Variants in EIF3M observed in about 807,000 individuals in gnomAD.
The protein encoded by EIF3M is B5 receptor.
EIF3M carries 25 observed loss-of-function variants against 49.7 expected under a neutral mutation model. The observed-to-expected ratio is 0.50, with a 90% CI of 0.37 to 0.70. The LOEUF (loss-of-function observed/expected upper bound fraction) is 0.70, where lower values mean the gene tolerates loss of function less well. EIF3M is among the 30% of genes least tolerant of loss of function. The probability of loss-of-function intolerance (pLI) is 0.00; values close to 1 mark genes in which losing one functional copy is unlikely to be tolerated. For missense variants in EIF3M, 350 were observed against 440.0 expected, an observed-to-expected ratio of 0.80 and a Z score of 1.83; for synonymous variants, 156 against 149.8, an observed-to-expected ratio of 1.04 and a Z score of -0.30.
chr11:32,592,703 T>A lies in EIF3M; in HGVS notation c.534-1163T>A, dbSNP rs12288162. 1,937 of 509,714 alleles carry A rather than the reference T, an allele frequency of 3.8e-3. 33 individuals are homozygous for A. The highest frequency in any genetic ancestry group is 0.035 in the African/African-American group (1,768 of 51,240). 31.6% of individuals were successfully genotyped at this position (509,714 alleles called of 1,614,324 possible). ...GTTCTCTAAAACTACCATCTCTAGT[T>A]TCAAAGCTCAGACCACCAATAAACA... On this transcript the variant is annotated intron_variant, in intron 5 of 10. Coordinates refer to ENST00000531120, the MANE Select transcript of EIF3M (RefSeq NM_006360.6).
At position 32,602,765 on chromosome 11, in the gene EIF3M, C is replaced by T; in HGVS notation, c.*366C>T. 7.7e-7 allele frequency: 1 copy of T among 1,302,016 alleles called. No homozygotes were observed. The highest frequency in any genetic ancestry group is 1.1e-6 in the Non-Finnish European group (1 of 949,204). The allele number at this position is 1,302,016 out of a possible 1,614,324, so 80.7% of individuals were successfully genotyped here. A position where few individuals can be genotyped will look rare whatever the true frequency, so the allele number is the denominator to read the frequency against. ...CATTTTATTCTAGTAAAAACTATAC[C>T]AGAATTTCAGTTACATAATTTCACT... is the stretch of plus-strand genomic sequence containing the variant. On this transcript the variant is annotated 3_prime_UTR_variant, in exon 11 of 11. Transcript: ENST00000531120.
chr11:32,603,034 A>T lies in EIF3M; in HGVS notation c.*635A>T. The T allele has an allele frequency of 6.4e-7, 1 of 1,569,972 alleles. No individual in the cohort carries two copies. The highest frequency in any genetic ancestry group is 8.6e-7 in the Non-Finnish European group (1 of 1,159,542). ...CTTTGTTTTCACCTGGGAAAGATAA[A>T]CTAATTTTACCTTCGAAATTATTAT... On this transcript the variant is annotated 3_prime_UTR_variant, in exon 11 of 11. Coordinates refer to ENST00000531120, the MANE Select transcript of EIF3M (RefSeq NM_006360.6).
In EIF3M at chr11:32,603,179, A is replaced by C; in HGVS notation, c.*780A>C. On this transcript the variant is annotated 3_prime_UTR_variant, in exon 11 of 11. Coordinates refer to ENST00000531120, the MANE Select transcript of EIF3M (RefSeq NM_006360.6). ...TGGCACCAGAAAAGTATACAATGTG[A>C]ATGTGTAGGCTTATGTAGTAGATCT... 1.7e-6 allele frequency: 1 copy of C among 590,646 alleles called. No homozygotes were observed. Among genetic ancestry groups the C allele is most frequent in the Non-Finnish European group, 2.9e-6 (1 of 340,512 alleles). 36.6% of individuals were successfully genotyped at this position (590,646 alleles called of 1,614,324 possible).
chr11:32,598,561 G>A (rs1429422281), intron 8 of EIF3M, among the ~76,000 whole-genome samples: 2 of 151,952 alleles, frequency 1.3e-5, no homozygotes, highest in Non-Finnish European at 2.9e-5. Flanking sequence ...TTTAAGTTTG[G>A]TTCTTTGTTA....
intron 8 of EIF3M, among the ~76,000 whole-genome samples, chr11:32,596,357 C>T (rs150252890): frequency 3.9e-5 from 6 of 151,910 alleles, no homozygotes; most frequent in African/African-American, 9.6e-5. Context: ...CTTTGGAGGC[C>T]GAGGCGGGCG....
intron 8 of EIF3M, among the ~76,000 whole-genome samples, chr11:32,597,478 C>T (rs1466847739): frequency 2.0e-5 from 3 of 152,126 alleles, no homozygotes; most frequent in East Asian, 1.9e-4. Flanking sequence ...TTTCTAACTA[C>T]GTTTGTTGAA....
At chr11:32,588,483 T>C (rs1250306632) in intron 2 of EIF3M, 111 bp from the exon 3 acceptor site, 16 of 1,253,196 alleles carry the variant, frequency 1.3e-5, no homozygotes, top group Non-Finnish European at 1.7e-5. Flanking sequence ...AATGCGAAAG[T>C]GTCTTACATT....
intron 1 of EIF3M, 135 bp downstream of exon 1, chr11:32,584,064 G>C: frequency 1.7e-6 from 2 of 1,209,376 alleles, no homozygotes; most frequent in Non-Finnish European, 2.3e-6. Context: ...TGGGGAGGCC[G>C]GTGGCTGGGG....
chr11:32,587,059 A>G lies in EIF3M; in HGVS notation c.90A>G (p.Ser30=), dbSNP rs1855011785. The G allele has an allele frequency of 6.2e-7, 1 of 1,612,754 alleles. No individual in the cohort carries two copies. Among genetic ancestry groups the G allele is most frequent in the Middle Eastern group, 1.7e-4 (1 of 6,056 alleles). The change falls in exon 2 of 11, where the codon TCA becomes TCG. Residue 30 remains serine (S), a synonymous_variant. Transcript: ENST00000531120. ...TGAAATCTAAAGGAGCTGAGATTTCAGAAGAGAACTCGGAAGGTGGACTTC... is the reference window on the plus strand; with the variant it reads ...TGAAATCTAAAGGAGCTGAGATTTCGGAAGAGAACTCGGAAGGTGGACTTC... ...AYLKSKGAEI[S]EENSEGGLHV...
At position 32,589,602 on chromosome 11, in the gene EIF3M, T is replaced by C; in HGVS notation, c.494T>C (p.Leu165Ser). ...ACCACTGAAAAAAAGCACACCCTTTTAAGACTACTTTATGAGGCACTTGTG... is the reference window on the plus strand; with the variant it reads ...ACCACTGAAAAAAAGCACACCCTTTCAAGACTACTTTATGAGGCACTTGTG... ...NLTTEKKHTL[L>S]RLLYEALVDC... The change falls in exon 5 of 11, where the codon TTA becomes TCA. Residue 165 changes from leucine (L) to serine (S), a missense_variant. By Grantham distance (145) the Leu-to-Ser change is moderately radical (BLOSUM62 -2). Transcript: ENST00000531120. The C allele has an allele frequency of 6.2e-7, 1 of 1,614,184 alleles. No homozygotes were observed. Among genetic ancestry groups the C allele is most frequent in the Admixed American group, 1.7e-5 (1 of 60,034 alleles).
At chr11:32,586,682 C>T (rs1411376146) in intron 1 of EIF3M, among the ~76,000 whole-genome samples, 1 of 152,168 alleles carries the variant, frequency 6.6e-6, no homozygotes, top group East Asian at 1.9e-4. Context: ...TCCCCAGCAA[C>T]CACACCCCCA....
chr11:32,603,068 T>C lies in EIF3M; in HGVS notation c.*669T>C, dbSNP rs765891158. 2 of 1,456,842 alleles carry C rather than the reference T, an allele frequency of 1.4e-6. No individual in the cohort carries two copies. The highest frequency in any genetic ancestry group is 2.5e-5 in the South Asian group (2 of 79,372). The allele number at this position is 1,456,842 out of a possible 1,614,324, so 90.2% of individuals were successfully genotyped here. A position where few individuals can be genotyped will look rare whatever the true frequency, so the allele number is the denominator to read the frequency against. On this transcript the variant is annotated 3_prime_UTR_variant, in exon 11 of 11. Transcript: ENST00000531120. ...ACCTTCGAAATTATTATACAAAAGA[T>C]TTTAAAGAGTCTGTAAAGCCTCTGC... is the stretch of plus-strand genomic sequence containing the variant.
chr11:32,593,839 A>G (rs776679960), intron 5 of EIF3M, 27 bp from the exon 6 acceptor site: 13 of 1,512,180 alleles, frequency 8.6e-6, no homozygotes, highest in Non-Finnish European at 9.8e-6. Flanking sequence ...AATGCTTTCA[A>G]GTTCCTAAAG....
At chr11:32,602,250 A>G (rs1412658132) in intron 10 of EIF3M, 29 bp from the exon 11 acceptor site, 5 of 1,601,902 alleles carry the variant, frequency 3.1e-6, no homozygotes, top group Non-Finnish European at 4.3e-6. Flanking sequence ...AAGGTTGACT[A>G]ACACTGTGTT....
chr11:32,592,495 A>ACT (rs1350425294), intron 5 of EIF3M: 1 of 523,898 alleles, frequency 1.9e-6, no homozygotes, highest in African/African-American at 1.9e-5. Flanking sequence ...GCTTTACAGA[A>ACT]CTCTCTCTAG....
rs372237544 is a variant in EIF3M at position 32,591,590 on chromosome 11, G to T, written c.533+1949G>T. Among the ~76,000 whole-genome samples the T allele has an allele frequency of 9.0e-4, 137 of 152,274 alleles. 1 individual carries two copies. The East Asian group carries it at 0.019, about 21-fold the overall frequency. On this transcript the variant is annotated intron_variant, in intron 5 of 10. Transcript: ENST00000531120. ...AATAGTGCACTTTTTGCAACCTGTA[G>T]CTATGACAGTCCTGAACAAGAAGGC... is the stretch of plus-strand genomic sequence containing the variant.
intron 8 of EIF3M, among the ~76,000 whole-genome samples, chr11:32,596,616 A>G (rs60672053): frequency 2.2e-5 from 3 of 134,326 alleles, no homozygotes; most frequent in East Asian, 2.0e-4. Flanking sequence ...AAAAAAAAAA[A>G]AAAAGAAAGA....
At chr11:32,598,711 AAAGAT>A (rs1427807157) in intron 8 of EIF3M, among the ~76,000 whole-genome samples, 1 of 152,102 alleles carries the variant, frequency 6.6e-6, no homozygotes, top group Non-Finnish European at 1.5e-5. Flanking sequence ...TAACTGCAGA[AAAGAT>A]AAGCAGTAAA....
At chr11:32,584,481 G>C (rs1565044883) in intron 1 of EIF3M, among the ~76,000 whole-genome samples, 1 of 151,930 alleles carries the variant, frequency 6.6e-6, no homozygotes, top group Non-Finnish European at 1.5e-5. Flanking sequence ...GGTGGCACGC[G>C]CCTGTAGTCC....
Sources: allele counts gnomAD v4.1 joint callset (sites outside exome capture counted in the v4.1 genomes callset), GRCh38; gene constraint gnomAD v4.1.1; transcripts MANE v1.5; gene names NCBI Gene and HGNC (gene_info 2026-07-23, HGNC 2026-07-21).